The following SLC4A2 variants were observed in gnomAD, a reference collection of about 807,000 sequenced individuals.
The protein encoded by SLC4A2 is solute carrier family 4 member 2.
A neutral mutation model predicts 115.0 loss-of-function variants in SLC4A2; 36 were observed. That is an observed-to-expected ratio of 0.31 (90% confidence interval 0.24 to 0.41). SLC4A2 has a LOEUF of 0.41. Ranked by LOEUF, SLC4A2 falls within the 10% of genes least tolerant of loss-of-function variation. The pLI is 1.00. For synonymous variants in SLC4A2, 708 were observed against 708.3 expected, an observed-to-expected ratio of 1.00 and a Z score of 0.01; for missense variants, 1,252 against 1,705.6, an observed-to-expected ratio of 0.73 and a Z score of 4.68.
rs199840252 is a variant in SLC4A2, at chr7:151,064,886, A to G, written c.498A>G (p.Ala166=). The G allele has an allele frequency of 1.4e-5, 23 of 1,613,994 alleles. No homozygotes were observed. In the Admixed American group the frequency reaches 3.3e-4, roughly 23 times the overall value. ...AGGATGACAGTGCTGACCGGAAGGC[A>G]GAGAGGACCAGTCCATCTTCCCCTG... ...LQEDDSADRK[A]ERTSPSSPAP... Residue 166 remains alanine, a synonymous_variant, in exon 5 of 23, where the codon GCA becomes GCG. Transcript: ENST00000413384.
chr7:151,061,925 G>A lies in SLC4A2; in HGVS notation c.-63G>A. 6.6e-7 allele frequency: 1 copy of A among 1,506,038 alleles called. No homozygotes were observed. The allele number at this position is 1,506,038 out of a possible 1,614,324, so 93.3% of individuals were successfully genotyped here. On this transcript the variant is annotated splice_region_variant and 5_prime_UTR_variant, in exon 2 of 23. Coordinates refer to ENST00000413384, the MANE Select transcript of SLC4A2 (RefSeq NM_003040.4). The stretch of plus-strand genomic sequence containing the variant: ...GTGATCAGGCCTCTCCCCCATCCAG[G>A]TTATGCCTCCGCCTCGTTGCCCTGA...
At chr7:151,068,230 A>G (rs1584989850) in intron 8 of SLC4A2, among the ~76,000 whole-genome samples, 176 bp downstream of exon 8, 2 of 152,380 alleles carry the variant, frequency 1.3e-5, no homozygotes, top group South Asian at 2.1e-4. Context: ...ATTCTCAGAT[A>G]ACAACTGAAG....
chr7:151,075,048 T>C (rs1407109079), intron 19 of SLC4A2: 1 of 887,966 alleles, frequency 1.1e-6, no homozygotes, highest in Admixed American at 2.1e-5. Flanking sequence ...CAGGCCACCC[T>C]GGCAGTGCTA....
In SLC4A2 at chr7:151,071,044, C is replaced by T. The variant is rs752204204; in HGVS notation, c.1750-28C>T. On this transcript the variant is annotated intron_variant, in intron 12 of 22. Coordinates refer to ENST00000413384, the MANE Select transcript of SLC4A2 (RefSeq NM_003040.4). This position sits in a 1 kb window ranked among gnomAD's most constrained non-coding sequence, Gnocchi z 5.5. ...GGCCCTCAGCCCTCTTCTTTGTGCT[C>T]TCCCCCATCCCCATGCTGCTTTGGC... is the stretch of plus-strand genomic sequence containing the variant. 2.5e-6 allele frequency: 4 copies of T among 1,609,956 alleles called. No individual in the cohort carries two copies. In the East Asian group the frequency reaches 6.7e-5, roughly 27 times the overall value.
chr7:151,072,132 T>A lies in SLC4A2; in HGVS notation c.2531T>A (p.Val844Glu). Residue 844 changes from valine to glutamate, a missense_variant, in exon 16 of 23, where the codon GTG (valine) becomes GAG (glutamate). Val to Glu is a moderately radical substitution (Grantham distance 121). Coordinates refer to ENST00000413384, the MANE Select transcript of SLC4A2 (RefSeq NM_003040.4). ...IFIYETFYKL[V>E]KIFQEHPLHG... ...ATCTATGAGACCTTCTACAAGCTGG[T>A]GAAGGTGGGCAGGCCCCTGCCGAGA... 1 of 1,613,234 alleles carries A rather than the reference T, an allele frequency of 6.2e-7. No individual in the cohort carries two copies. Among genetic ancestry groups the A allele is most frequent in the Non-Finnish European group, 8.5e-7 (1 of 1,179,408 alleles).
At position 151,074,135 on chromosome 7, in the gene SLC4A2, C is replaced by T. The variant is rs758576374; in HGVS notation, c.2632C>T (p.Leu878=). The T allele has an allele frequency of 6.2e-7, 1 of 1,612,556 alleles. No individual in the cohort carries two copies. Among genetic ancestry groups the T allele is most frequent in the Non-Finnish European group, 8.5e-7 (1 of 1,179,872 alleles). Residue 878 remains leucine (L), a synonymous_variant, in exon 17 of 23, where the codon CTG becomes TTG. Coordinates refer to ENST00000413384, the MANE Select transcript of SLC4A2 (RefSeq NM_003040.4). The stretch of plus-strand genomic sequence containing the variant: ...GACATGGGCCGGGGCAAGACCCACG[C>T]TGGGGCCGGGCAACAGGAGCTTGGC... The part of the protein sequence containing the change: ...NMTWAGARPT[L]GPGNRSLAGQ...
Position 151,064,785 on chromosome 7 carries a change from T to A in SLC4A2, c.459+18T>A, listed in dbSNP as rs1797174160. ...CGGTGCAGGTGCGCTGGGTGCGGGC[T>A]CCTAGGGCATGTCGGCAGGGCCCTG... On this transcript the variant is annotated intron_variant, in intron 4 of 22. Coordinates refer to ENST00000413384, the MANE Select transcript of SLC4A2 (RefSeq NM_003040.4). The A allele has an allele frequency of 6.2e-7, 1 of 1,608,168 alleles. No individual in the cohort carries two copies. Among genetic ancestry groups the A allele is most frequent in the Non-Finnish European group, 8.5e-7 (1 of 1,175,802 alleles).
rs371557715 is a variant in SLC4A2 at position 151,071,680 on chromosome 7, C to T, written c.2192-9C>T. On this transcript the variant is annotated splice_polypyrimidine_tract_variant and intron_variant, in intron 14 of 22. Transcript: ENST00000413384. This position sits in a 1 kb window ranked among gnomAD's most constrained non-coding sequence, Gnocchi z 5.5. ...CCACCAGCTCCTGAGCTGGTTCCTA[C>T]ACCCCTAGGAGAGAAGACGCAGGAC... The T allele has an allele frequency of 5.0e-6, 8 of 1,610,918 alleles. No individual in the cohort carries two copies. The highest frequency in any genetic ancestry group is 6.8e-6 in the Non-Finnish European group (8 of 1,178,274).
At chr7:151,065,715 T>C (rs930493613) in intron 5 of SLC4A2, among the ~76,000 whole-genome samples, 1 of 152,104 alleles carries the variant, frequency 6.6e-6, no homozygotes, top group African/African-American at 2.4e-5. Flanking sequence ...TACAGCGGCC[T>C]TAGGGGCGCC....
intron 2 of SLC4A2, chr7:151,062,539 T>A: frequency 1.5e-6 from 2 of 1,333,412 alleles, no homozygotes; most frequent in South Asian, 3.3e-5. Context: ...CGTGCCACAA[T>A]CAGCTCCGCT....
chr7:151,069,159 A>AAAAAAAAAAAAAAAAAAAAAAAG (rs1554451788), intron 8 of SLC4A2, among the ~76,000 whole-genome samples: 1 of 147,950 alleles, frequency 6.8e-6, no homozygotes, highest in African/African-American at 2.5e-5. Context: ...AAAAAAAAAA[A>AAAAAAAAAAAAAAAAAAAAAAAG]GCAGCTGAGG....
chr7:151,073,900 G>A (rs1797526567), intron 16 of SLC4A2, 139 bp from the exon 17 acceptor site: 3 of 916,540 alleles, frequency 3.3e-6, no homozygotes, highest in Non-Finnish European at 5.0e-6. Flanking sequence ...CTGGGTCATT[G>A]TCTTAATTCA....
intron 8 of SLC4A2, among the ~76,000 whole-genome samples, chr7:151,069,291 C>T (rs908621394): frequency 2.6e-5 from 4 of 152,226 alleles, no homozygotes; most frequent in African/African-American, 9.6e-5. Flanking sequence ...TTGTGGTCTC[C>T]AGCCTGGCTG....
At chr7:151,066,252 C>T (rs1797226151) in intron 5 of SLC4A2, among the ~76,000 whole-genome samples, 1 of 152,220 alleles carries the variant, frequency 6.6e-6, no homozygotes, top group Non-Finnish European at 1.5e-5. Context: ...TGCTGAGGAG[C>T]AGTTGACGTT....
At chr7:151,075,073 T>G (rs530661428) in intron 19 of SLC4A2, 182 bp from the exon 20 acceptor site, 7 of 982,956 alleles carry the variant, frequency 7.1e-6, no homozygotes, top group Non-Finnish European at 1.1e-5. Context: ...GGAGCTGTCA[T>G]GGACGATAAG....
rs1207924514 is a variant in SLC4A2 at position 151,059,925 on chromosome 7, G to GA, written c.-64+164dup. 1 of 152,196 alleles carries GA rather than the reference G, an allele frequency of 6.6e-6. No individual in the cohort carries two copies. The highest frequency in any genetic ancestry group is 1.5e-5 in the Non-Finnish European group (1 of 68,074). 9.4% of individuals were successfully genotyped at this position (152,196 alleles called of 1,614,324 possible). On this transcript the variant is annotated intron_variant, in intron 1 of 22. Transcript: ENST00000413384. The surrounding 1 kb of genome is among the most constrained non-coding windows in gnomAD (Gnocchi z 5.8). ...CCGCGGTCTTGGGGAGAAGGATGGG[G>GA]AGGCGGATGGAGTGCTGGTCGGAAG...
In SLC4A2 at chr7:151,074,050, G is replaced by C; in HGVS notation, c.2547G>C (p.Glu849Asp). The C allele has an allele frequency of 6.3e-7, 1 of 1,580,194 alleles. No homozygotes were observed. The highest frequency in any genetic ancestry group is 2.3e-5 in the East Asian group (1 of 44,266). ...CCTCCTCTCCCCAGATCTTCCAGGA[G>C]CACCCCCTGCATGGCTGCTCAGCCT... ...TFYKLVKIFQ[E>D]HPLHGCSASN... Residue 849 changes from glutamate (E) to aspartate (D), a missense_variant, in exon 17 of 23, where the codon GAG becomes GAC. Glu to Asp is a conservative substitution (Grantham distance 45). Coordinates refer to ENST00000413384, the MANE Select transcript of SLC4A2 (RefSeq NM_003040.4).
At position 151,060,427 on chromosome 7, in the gene SLC4A2, G is replaced by T. The variant is rs924909478; in HGVS notation, c.-64+665G>T. Reference sequence around the variant, plus strand: ...GCTGCGGAATTTACGAGTTCACTTGGGGGGTGGTTAATGCCCAAGTGGGGG... The same window carrying T: ...GCTGCGGAATTTACGAGTTCACTTGTGGGGTGGTTAATGCCCAAGTGGGGG... On this transcript the variant is annotated intron_variant, in intron 1 of 22. Transcript: ENST00000413384. The surrounding 1 kb of genome is among the most constrained non-coding windows in gnomAD (Gnocchi z 5.9). Among the ~76,000 whole-genome samples, 1 of 152,232 alleles carries T rather than the reference G, an allele frequency of 6.6e-6. No homozygotes were observed. The highest frequency in any genetic ancestry group is 1.5e-5 in the Non-Finnish European group (1 of 68,040).
In SLC4A2 at chr7:151,070,063, G is replaced by A; in HGVS notation, c.1264G>A (p.Ala422Thr). 1.9e-6 allele frequency: 3 copies of A among 1,614,076 alleles called. No homozygotes were observed. The highest frequency in any genetic ancestry group is 2.2e-5 in the East Asian group (1 of 44,884). ...CGAGGACAGGGCCAACGTGCTGCGG[G>A]CTCTGCTGTTGAAACACAGGTGAGG... ...KAEDRANVLR[A>T]LLLKHSHPSD... Residue 422 changes from alanine (A) to threonine (T), a missense_variant, in exon 9 of 23, where the codon GCT (alanine) becomes ACT (threonine). Transcript: ENST00000413384.
Sources: gnomAD v4.1 joint callset for allele counts (sites outside exome capture counted in the v4.1 genomes callset) on GRCh38, gnomAD v4.1.1 for gene constraint, Gnocchi (gnomAD v3.1) non-coding constraint, MANE v1.5 for transcripts, NCBI Gene and HGNC (gene_info 2026-07-23, HGNC 2026-07-21) for gene names.